Variants in DCLK1 observed in about 807,000 individuals in gnomAD.
DCLK1 encodes the protein doublecortin like kinase 1.
Under a neutral mutation model 86.2 loss-of-function variants are expected in DCLK1, and 16 were observed. That is an observed-to-expected ratio of 0.19 (90% CI 0.13 to 0.28). The LOEUF is 0.28. DCLK1 is among the 10% of genes least tolerant of loss of function. DCLK1 has a pLI of 1.00. For missense variants in DCLK1, 590 were observed against 940.2 expected, an observed-to-expected ratio of 0.63 and a Z score of 4.87; for synonymous variants, 369 against 370.5, an observed-to-expected ratio of 1.00 and a Z score of 0.05.
At chr13:36,077,773 A>G (rs964283162) in intron 3 of DCLK1, among the ~76,000 whole-genome samples, 1 of 152,186 alleles carries the variant, frequency 6.6e-6, no homozygotes, top group African/African-American at 2.4e-5. Flanking sequence ...ACACATGGCT[A>G]GCTTATTCTG....
chr13:35,900,641 T>C (rs1359443126), intron 4 of DCLK1, among the ~76,000 whole-genome samples: 1 of 152,320 alleles, frequency 6.6e-6, no homozygotes, highest in African/African-American at 2.4e-5. Context: ...ACCTTTGCAC[T>C]ATTGGGCTAG....
At chr13:35,881,498 G>A (rs558437086) in intron 4 of DCLK1, among the ~76,000 whole-genome samples, 1 of 152,268 alleles carries the variant, frequency 6.6e-6, no homozygotes, top group African/African-American at 2.4e-5. Flanking sequence ...TGCAGATGAT[G>A]TTGGCTGACT....
chr13:35,896,843 G>A (rs1366104185), intron 4 of DCLK1, among the ~76,000 whole-genome samples: 1 of 152,138 alleles, frequency 6.6e-6, no homozygotes, highest in Non-Finnish European at 1.5e-5. Context: ...AGAGGTGTGT[G>A]GAGGGGGCTC....
intron 15 of DCLK1, among the ~76,000 whole-genome samples, chr13:35,797,580 A>C (rs1342533653): frequency 6.6e-6 from 1 of 152,128 alleles, no homozygotes; most frequent in Non-Finnish European, 1.5e-5. Flanking sequence ...GAGGCTTTTG[A>C]CTTCATAAAT....
Position 35,918,892 on chromosome 13 carries a change from G to GTTTT in DCLK1, c.823+28462_823+28465dup, listed in dbSNP as rs749567335. ...AAAAAGAAATCTTCCTTCTGAGTGT[G>GTTTT]TTTTTTTTTTTTTTTTTGGAAACGG... On this transcript the variant is annotated intron_variant, in intron 4 of 16. Coordinates refer to ENST00000360631, the MANE Select transcript of DCLK1 (RefSeq NM_001330071.2). Among the ~76,000 whole-genome samples, 354 of 76,318 alleles carry GTTTT rather than the reference G, an allele frequency of 4.6e-3. 31 individuals carry two copies. The highest frequency in any genetic ancestry group is 0.013 in the African/African-American group (289 of 22,622). 50.1% of individuals were successfully genotyped at this position (76,318 alleles called of 152,430 possible).
At position 35,771,131 on chromosome 13, in the gene DCLK1, T is replaced by G. The variant is rs2086325284; in HGVS notation, c.*3404A>C. The G allele has an allele frequency of 6.6e-6, 1 of 152,206 alleles. No individual in the cohort carries two copies. The highest frequency in any genetic ancestry group is 6.5e-5 in the Admixed American group (1 of 15,284). 9.4% of individuals were successfully genotyped at this position (152,206 alleles called of 1,614,324 possible). A position where few individuals can be genotyped will look rare whatever the true frequency, so the allele number is the denominator to read the frequency against. On this transcript the variant is annotated 3_prime_UTR_variant, in exon 17 of 17. Transcript: ENST00000360631. ...AACCATGATTTAATGTGCTTGAGAC[T>G]TGGTCATATGGGAGCTCTGTGACCC...
intron 15 of DCLK1, among the ~76,000 whole-genome samples, chr13:35,796,518 G>A (rs1251632388): frequency 6.6e-6 from 1 of 152,170 alleles, no homozygotes; most frequent in Non-Finnish European, 1.5e-5. Context: ...AGGGAAGTTA[G>A]AAGAGCACGG....
intron 6 of DCLK1, chr13:35,850,775 T>TCCTG (rs1384831342): frequency 1.3e-6 from 2 of 1,593,846 alleles, no homozygotes; most frequent in African/African-American, 2.7e-5. Flanking sequence ...GCGGTACAGG[T>TCCTG]CCTGCAAGAT....
chr13:36,079,463 CTATT>C (rs1471985749), intron 3 of DCLK1, among the ~76,000 whole-genome samples: 1 of 152,008 alleles, frequency 6.6e-6, no homozygotes, highest in Non-Finnish European at 1.5e-5. Context: ...AACCCTGTCT[CTATT>C]TAAAATACAA....
At chr13:35,915,598 A>G (rs1875357628) in intron 4 of DCLK1, among the ~76,000 whole-genome samples, 1 of 152,132 alleles carries the variant, frequency 6.6e-6, no homozygotes, top group African/African-American at 2.4e-5. Context: ...CCAGCTACTA[A>G]GGAGGCTGAG....
At chr13:35,948,855 A>G (rs894100936) in intron 3 of DCLK1, among the ~76,000 whole-genome samples, 21 of 152,170 alleles carry the variant, frequency 1.4e-4, no homozygotes, top group Admixed American at 5.2e-4. Flanking sequence ...TTCAAGAGAG[A>G]TGTCAGAAGC....
At chr13:35,985,000 C>T (rs898579568) in intron 3 of DCLK1, among the ~76,000 whole-genome samples, 1 of 152,262 alleles carries the variant, frequency 6.6e-6, no homozygotes, top group East Asian at 1.9e-4. Flanking sequence ...CCTCCCGTCA[C>T]CATGGAAACA....
At position 35,878,091 on chromosome 13, in the gene DCLK1, C is replaced by T. The variant is rs770557622; in HGVS notation, c.824-6751G>A. Among the ~76,000 whole-genome samples, 101 of 152,186 alleles carry T rather than the reference C, an allele frequency of 6.6e-4. 1 individual carries two copies. The highest frequency in any genetic ancestry group is 7.2e-4 in the Admixed American group (11 of 15,282). On this transcript the variant is annotated intron_variant, in intron 4 of 16. Coordinates refer to ENST00000360631, the MANE Select transcript of DCLK1 (RefSeq NM_001330071.2). ...AGTGGTGGTCCAGCTTCCTTCTGAGCACCCCCAGTGCCTGGGAGATTCACC... is the reference window on the plus strand; with the variant it reads ...AGTGGTGGTCCAGCTTCCTTCTGAGTACCCCCAGTGCCTGGGAGATTCACC...
chr13:35,867,675 G>T (rs1309382430), intron 5 of DCLK1, among the ~76,000 whole-genome samples: 3 of 151,948 alleles, frequency 2.0e-5, no homozygotes, highest in African/African-American at 4.8e-5. Flanking sequence ...TTACTTTTCA[G>T]AAATGAATAT....
Position 35,955,530 on chromosome 13 carries a change from C to G in DCLK1, c.724-8073G>C, listed in dbSNP as rs563254003. On this transcript the variant is annotated intron_variant, in intron 3 of 16. Transcript: ENST00000360631. ...AAAGGCCCGCCTCCTAATACTATCG[C>G]CTTGGAGGTTAGGATGTCAACATAG... 2.8e-4 allele frequency among the ~76,000 whole-genome samples: 43 copies of G among 152,188 alleles called. No individual in the cohort carries two copies. In the South Asian group the frequency reaches 8.7e-3, roughly 31 times the overall value.
chr13:36,065,786 G>A (rs1051308899), intron 3 of DCLK1, among the ~76,000 whole-genome samples: 1 of 152,042 alleles, frequency 6.6e-6, no homozygotes, highest in African/African-American at 2.4e-5. Context: ...ATAGCCAACA[G>A]TTAAATAATC....
intron 3 of DCLK1, among the ~76,000 whole-genome samples, chr13:36,095,810 T>C (rs991633289): frequency 6.6e-6 from 1 of 152,142 alleles, no homozygotes; most frequent in African/African-American, 2.4e-5. Flanking sequence ...TAAGAGCCAT[T>C]GTTGTAGATA....
chr13:35,778,902 A>C (rs2086473907), intron 16 of DCLK1, among the ~76,000 whole-genome samples: 1 of 152,220 alleles, frequency 6.6e-6, no homozygotes. Context: ...AAAACAGTCC[A>C]AACTGATGTA....
At chr13:35,886,511 A>T (rs1873263427) in intron 4 of DCLK1, among the ~76,000 whole-genome samples, 1 of 152,230 alleles carries the variant, frequency 6.6e-6, no homozygotes, top group African/African-American at 2.4e-5. Context: ...ATGTTGCACA[A>T]GCAATGCCAC....
Sources: allele counts gnomAD v4.1 joint callset (sites outside exome capture counted in the v4.1 genomes callset), GRCh38; gene constraint gnomAD v4.1.1; transcripts MANE v1.5; gene names NCBI Gene and HGNC (gene_info 2026-07-23, HGNC 2026-07-21).